Variants in MAGI2 observed in about 807,000 individuals in gnomAD.
The protein encoded by MAGI2 is membrane associated guanylate kinase, WW and PDZ domain containing 2, also known as membrane-associated guanylate kinase, WW and PDZ domain-containing protein 2.
MAGI2 carries 35 observed loss-of-function variants against 133.3 expected under a neutral mutation model. The ratio of observed to expected loss-of-function variants is 0.26; its 90% CI spans 0.20 to 0.35. The LOEUF (loss-of-function observed/expected upper bound fraction) is 0.35. MAGI2 is among the 10% of genes least tolerant of loss of function. The probability of loss-of-function intolerance (pLI) is 1.00; values close to 1 mark genes in which losing one functional copy is unlikely to be tolerated. For synonymous variants in MAGI2, 729 were observed against 710.6 expected (o/e 1.03, Z -0.41); for missense variants, 1,636 against 1,863.4 (o/e 0.88, Z 2.25).
rs540634030 is a variant in MAGI2 at position 78,228,324 on chromosome 7, C to T, written c.2048-27131G>A. ...TCTGCATCAGAATCACTTAGGGTTACGAGTTTATAGAAAATATAAATTATG... is the reference window on the plus strand; with the variant it reads ...TCTGCATCAGAATCACTTAGGGTTATGAGTTTATAGAAAATATAAATTATG... On this transcript the variant is annotated intron_variant, in intron 10 of 21. Transcript: ENST00000354212. 7.2e-5 allele frequency among the ~76,000 whole-genome samples: 11 copies of T among 152,188 alleles called. No individual in the cohort carries two copies. The East Asian group carries it at 1.4e-3, about 19-fold the overall frequency.
At chr7:78,745,367 G>T (rs1243704106) in intron 2 of MAGI2, among the ~76,000 whole-genome samples, 2 of 152,112 alleles carry the variant, frequency 1.3e-5, no homozygotes, top group Non-Finnish European at 2.9e-5. Flanking sequence ...TGAGAGCAGA[G>T]GCCCAACTCC....
intron 6 of MAGI2, among the ~76,000 whole-genome samples, chr7:78,418,682 T>C (rs1254015427): frequency 6.6e-6 from 1 of 152,052 alleles, no homozygotes; most frequent in Non-Finnish European, 1.5e-5. Flanking sequence ...TGAAAACCAA[T>C]CTCCTTCTTT....
chr7:78,488,726 T>A (rs1379377429), intron 6 of MAGI2, among the ~76,000 whole-genome samples: 1 of 152,088 alleles, frequency 6.6e-6, no homozygotes, highest in Non-Finnish European at 1.5e-5. Context: ...TATATGTTCA[T>A]ATAAATTACA....
intron 1 of MAGI2, among the ~76,000 whole-genome samples, chr7:79,245,292 A>G (rs1272144830): frequency 6.6e-6 from 1 of 152,192 alleles, no homozygotes; most frequent in Non-Finnish European, 1.5e-5. Context: ...AGGTACTAAC[A>G]TGACCACAGA....
intron 9 of MAGI2, among the ~76,000 whole-genome samples, chr7:78,323,883 T>A (rs917663304): frequency 6.6e-6 from 1 of 152,172 alleles, no homozygotes; most frequent in African/African-American, 2.4e-5. Context: ...CTGGCTTTTT[T>A]CCTCTGAAAT....
intron 2 of MAGI2, among the ~76,000 whole-genome samples, chr7:78,947,335 C>T (rs1404399177): frequency 1.3e-5 from 2 of 152,064 alleles, no homozygotes; most frequent in Admixed American, 6.6e-5. Flanking sequence ...TAGATACTTA[C>T]TGATTGCTGT....
intron 1 of MAGI2, among the ~76,000 whole-genome samples, chr7:79,418,383 G>A (rs1009496993): frequency 1.3e-5 from 2 of 152,084 alleles, no homozygotes; most frequent in Non-Finnish European, 2.9e-5. Flanking sequence ...TCACTGAGCA[G>A]TTCAACGGGG....
At chr7:78,531,503 C>T (rs574915571) in intron 3 of MAGI2, among the ~76,000 whole-genome samples, 8 of 152,262 alleles carry the variant, frequency 5.3e-5, no homozygotes, top group African/African-American at 1.4e-4. Flanking sequence ...TGCGCCACCA[C>T]ACCTGGCCTT....
chr7:79,262,720 T>C (rs932361215), intron 1 of MAGI2, among the ~76,000 whole-genome samples: 5 of 152,200 alleles, frequency 3.3e-5, no homozygotes, highest in Non-Finnish European at 7.3e-5. Context: ...GTGACATGCA[T>C]AACTTACACA....
chr7:79,262,078 CA>C (rs1834130100), intron 1 of MAGI2, among the ~76,000 whole-genome samples: 1 of 152,276 alleles, frequency 6.6e-6, no homozygotes, highest in Non-Finnish European at 1.5e-5. Context: ...ATTATTATAT[CA>C]CTAGTGTTAT....
At position 78,429,454 on chromosome 7, in the gene MAGI2, G is replaced by A. The variant is rs556238025; in HGVS notation, c.1046-60241C>T. 1.3e-4 allele frequency among the ~76,000 whole-genome samples: 20 copies of A among 152,074 alleles called. No individual in the cohort carries two copies. In the South Asian group the frequency reaches 3.7e-3, roughly 28 times the overall value. ...TAGAATTTCTCCACTGAAAACTCCCGTGGAAAAAAATGGATTTCGTTCTTT... is the reference window on the plus strand; with the variant it reads ...TAGAATTTCTCCACTGAAAACTCCCATGGAAAAAAATGGATTTCGTTCTTT... On this transcript the variant is annotated intron_variant, in intron 6 of 21. Coordinates refer to ENST00000354212, the MANE Select transcript of MAGI2 (RefSeq NM_012301.4).
chr7:78,288,032 C>T (rs1796323477), intron 9 of MAGI2, among the ~76,000 whole-genome samples: 1 of 152,164 alleles, frequency 6.6e-6, no homozygotes, highest in Non-Finnish European at 1.5e-5. Flanking sequence ...ATACTATCAT[C>T]TTCCTTTCCC....
At chr7:78,663,475 G>C (rs113805659) in intron 2 of MAGI2, among the ~76,000 whole-genome samples, 9,069 of 152,112 alleles carry the variant, frequency 0.06, 352 homozygotes, top group African/African-American at 0.1. Context: ...AAAGTGCTGA[G>C]ACTACAGGCG....
At chr7:78,100,004 T>C (rs1245086260) in intron 20 of MAGI2, among the ~76,000 whole-genome samples, 2 of 152,230 alleles carry the variant, frequency 1.3e-5, no homozygotes, top group Non-Finnish European at 2.9e-5. Context: ...CAATATTCTC[T>C]GTAATTTCCC....
chr7:78,343,201 CT>C (rs771145820), intron 9 of MAGI2, among the ~76,000 whole-genome samples: 4 of 152,108 alleles, frequency 2.6e-5, no homozygotes, highest in Non-Finnish European at 2.9e-5. Flanking sequence ...CAATTTGCCT[CT>C]GTATTTCCAC....
chr7:79,247,443 C>A (rs1832905147), intron 1 of MAGI2, among the ~76,000 whole-genome samples: 1 of 151,900 alleles, frequency 6.6e-6, no homozygotes, highest in African/African-American at 2.4e-5. Flanking sequence ...GGTGAGACCT[C>A]GTCTCTAAAA....
At chr7:79,174,445 A>G (rs1249826250) in intron 1 of MAGI2, among the ~76,000 whole-genome samples, 1 of 152,186 alleles carries the variant, frequency 6.6e-6, no homozygotes, top group Middle Eastern at 3.4e-3. Context: ...GTGGTTCGGA[A>G]GGTAATCAAA....
At chr7:78,269,222 T>C (rs1174961459) in intron 9 of MAGI2, among the ~76,000 whole-genome samples, 1 of 152,218 alleles carries the variant, frequency 6.6e-6, no homozygotes, top group African/African-American at 2.4e-5. Flanking sequence ...TCTTTGCTAT[T>C]GTGAACAGTG....
intron 4 of MAGI2, among the ~76,000 whole-genome samples, chr7:78,512,979 T>C (rs2150562648): frequency 6.6e-6 from 1 of 152,214 alleles, no homozygotes; most frequent in South Asian, 2.1e-4. Context: ...TCTAAAGATA[T>C]TTATCATAAA....
Sources: allele counts gnomAD v4.1 joint callset (sites outside exome capture counted in the v4.1 genomes callset), GRCh38; gene constraint gnomAD v4.1.1; transcripts MANE v1.5; gene names NCBI Gene and HGNC (gene_info 2026-07-23, HGNC 2026-07-21).